DMD: variants seen among roughly 807,000 people sequenced by gnomAD.
DMD encodes dystrophin.
A neutral mutation model predicts 330.1 loss-of-function variants in DMD; 63 were observed. The observed-to-expected ratio is 0.19, with a 90% confidence interval of 0.16 to 0.24. The LOEUF (loss-of-function observed/expected upper bound fraction) is 0.24. Among genes scored for constraint, DMD ranks in the 10% least tolerant of loss-of-function variants. The probability of loss-of-function intolerance (pLI) is 1.00; values close to 1 mark genes in which losing one functional copy is unlikely to be tolerated. For missense variants in DMD, 3,344 were observed against 2,684.1 expected (o/e 1.25, Z -5.43); for synonymous variants, 1,223 against 959.8 (o/e 1.27, Z -5.07).
At chrX:31,396,851 G>A (rs760571747) in intron 60 of DMD, among the ~76,000 whole-genome samples, 5 of 111,777 alleles carry the variant, frequency 4.5e-5, no homozygotes, top group Middle Eastern at 4.2e-3. Flanking sequence ...AACATCTAAT[G>A]CAATCAATAA....
chrX:32,653,141 T>G (rs757835787), intron 9 of DMD, among the ~76,000 whole-genome samples: 3 of 112,095 alleles, frequency 2.7e-5, no homozygotes, highest in South Asian at 7.4e-4. Context: ...TTCTTTTGCT[T>G]TGCAGAAGCT....
At chrX:32,698,396 C>T (rs888609833) in intron 8 of DMD, among the ~76,000 whole-genome samples, 1 of 111,599 alleles carries the variant, frequency 9.0e-6, no homozygotes, top group African/African-American at 3.3e-5. Flanking sequence ...ATTTCATAAG[C>T]TAATACAGAG....
At chrX:31,372,856 T>A (rs754763869) in intron 60 of DMD, among the ~76,000 whole-genome samples, 176 of 111,256 alleles carry the variant, frequency 1.6e-3, no homozygotes, top group African/African-American at 5.2e-3. Flanking sequence ...TAAAGGGTAT[T>A]CAATTAGGAA....
chrX:33,166,223 C>G (rs2049044564), intron 1 of DMD, among the ~76,000 whole-genome samples: 1 of 110,329 alleles, frequency 9.1e-6, no homozygotes, highest in African/African-American at 3.3e-5. Flanking sequence ...AGACACAGCT[C>G]AACAATATCA....
chrX:31,922,577 C>A lies in DMD; in HGVS notation c.6912+7019G>T, dbSNP rs776743104. 2.8e-5 allele frequency among the ~76,000 whole-genome samples: 3 copies of A among 108,929 alleles called. No individual in the cohort carries two copies. The South Asian group carries it at 1.2e-3, about 43-fold the overall frequency. 94.6% of individuals were successfully genotyped at this position (108,929 alleles called of 115,157 possible). On this transcript the variant is annotated intron_variant, in intron 47 of 78. Coordinates refer to ENST00000357033, the MANE Select transcript of DMD (RefSeq NM_004006.3). The stretch of plus-strand genomic sequence containing the variant: ...GAGGAGGCAGACCTCGGTACTGAGC[C>A]CTCAATCTATGGGATCTGACACTAT...
At chrX:32,822,704 TAC>T (rs757600776) in intron 5 of DMD, among the ~76,000 whole-genome samples, 2 of 108,474 alleles carry the variant, frequency 1.8e-5, no homozygotes, top group Admixed American at 9.8e-5. Context: ...GCATATATAC[TAC>T]ACACACACAC....
At chrX:33,125,994 G>A (rs986511791) in intron 1 of DMD, among the ~76,000 whole-genome samples, 69 of 105,735 alleles carry the variant, frequency 6.5e-4, no homozygotes, top group African/African-American at 2.3e-3. Context: ...ACCCGAGATC[G>A]TGCCATTGCA....
chrX:32,892,127 C>T (rs1306904484), intron 2 of DMD, among the ~76,000 whole-genome samples: 1 of 112,147 alleles, frequency 8.9e-6, no homozygotes, highest in Non-Finnish European at 1.9e-5. Context: ...CACAGCTTTA[C>T]ATTTTACCTA....
At chrX:32,593,423 A>T (rs2055160810) in intron 13 of DMD, among the ~76,000 whole-genome samples, 1 of 111,738 alleles carries the variant, frequency 8.9e-6, no homozygotes, top group Admixed American at 9.5e-5. Flanking sequence ...ATTAATGTCT[A>T]TTTTTATACT....
At chrX:31,790,277 A>C (rs778076809) in intron 50 of DMD, among the ~76,000 whole-genome samples, 1 of 111,464 alleles carries the variant, frequency 9.0e-6, no homozygotes, top group Non-Finnish European at 1.9e-5. Flanking sequence ...ATTGAAGGGC[A>C]TATGGGCTGA....
At chrX:32,719,862 G>T (rs749744169) in intron 7 of DMD, among the ~76,000 whole-genome samples, 6 of 109,824 alleles carry the variant, frequency 5.5e-5, no homozygotes, top group Non-Finnish European at 1.1e-4. Context: ...ACCTCTGAAC[G>T]TTTATCACCA....
At chrX:32,510,330 A>G (rs1310906230) in intron 18 of DMD, among the ~76,000 whole-genome samples, 1 of 111,753 alleles carries the variant, frequency 8.9e-6, no homozygotes, top group African/African-American at 3.3e-5. Context: ...TAAATTACTT[A>G]CTTGGACATT....
At chrX:31,478,935 C>G (rs372303824) in intron 58 of DMD, 48 bp downstream of exon 58, 42 of 1,194,317 alleles carry the variant, frequency 3.5e-5, no homozygotes, top group Non-Finnish European at 2.9e-5. Context: ...TGCTCCGTCA[C>G]CACTGATCCT....
At chrX:32,788,619 T>C (rs6653887) in intron 7 of DMD, among the ~76,000 whole-genome samples, 9,059 of 111,885 alleles carry the variant, frequency 0.081, 938 homozygotes, top group African/African-American at 0.28. Context: ...AAGTTCATTA[T>C]GTCCTGTCAG....
At chrX:31,598,805 A>G (rs1034938749) in intron 55 of DMD, among the ~76,000 whole-genome samples, 2 of 112,132 alleles carry the variant, frequency 1.8e-5, no homozygotes, top group African/African-American at 3.2e-5. Context: ...TTGGGGGAAA[A>G]TAAATCCTTT....
At chrX:32,737,172 T>C (rs1323638670) in intron 7 of DMD, among the ~76,000 whole-genome samples, 1 of 110,502 alleles carries the variant, frequency 9.0e-6, no homozygotes, top group Non-Finnish European at 1.9e-5. Flanking sequence ...ATAATTTTTT[T>C]TTTCTTGAAA....
At chrX:31,214,942 T>TTCTTTC (rs1556299366) in intron 64 of DMD, among the ~76,000 whole-genome samples, 1 of 55,738 alleles carries the variant, frequency 1.8e-5, no homozygotes, top group Non-Finnish European at 3.3e-5. Flanking sequence ...TTTTTCTTTT[T>TTCTTTC]TTTTTTTTTT....
chrX:33,174,137 C>T (rs2049515908), intron 1 of DMD, among the ~76,000 whole-genome samples: 1 of 107,949 alleles, frequency 9.3e-6, no homozygotes, highest in African/African-American at 3.4e-5. Context: ...ATCATGGGAA[C>T]GACAAGGAGA....
chrX:32,501,960 G>A (rs921792604), intron 18 of DMD, 118 bp from the exon 19 acceptor site: 44 of 547,306 alleles, frequency 8.0e-5, no homozygotes, highest in Non-Finnish European at 1.1e-4. Flanking sequence ...AGCTTATCAC[G>A]TGAATCTAAA....
Sources: gnomAD v4.1 joint callset for allele counts (sites outside exome capture counted in the v4.1 genomes callset) on GRCh38, gnomAD v4.1.1 for gene constraint, MANE v1.5 for transcripts, NCBI Gene and HGNC (gene_info 2026-07-23, HGNC 2026-07-21) for gene names.